The following TSHZ3 variants were observed in gnomAD, a reference collection of about 807,000 sequenced individuals.
TSHZ3 encodes the protein teashirt zinc finger homeobox 3.
TSHZ3 carries 10 observed loss-of-function variants against 64.5 expected under a neutral mutation model. That is an observed-to-expected ratio of 0.16 (90% CI 0.10 to 0.26). The LOEUF (loss-of-function observed/expected upper bound fraction) is 0.26, where lower values mean the gene tolerates loss of function less well. Ranked by LOEUF, TSHZ3 falls within the 10% of genes least tolerant of loss-of-function variation. TSHZ3 has a pLI of 1.00. For synonymous variants in TSHZ3, 608 were observed against 593.1 expected (o/e 1.03, Z -0.36); for missense variants, 1,242 against 1,421.7 (o/e 0.87, Z 2.03).
At chr19:31,155,798 C>A (rs772770175) in intron 6 of TSHZ3, among the ~76,000 whole-genome samples, 2 of 152,194 alleles carry the variant, frequency 1.3e-5, no homozygotes, top group Non-Finnish European at 2.9e-5. Context: ...ATGCTCCCCT[C>A]CATTTCCCTC....
At chr19:31,336,745 C>T (rs1917257015) in intron 1 of TSHZ3, among the ~76,000 whole-genome samples, 1 of 152,126 alleles carries the variant, frequency 6.6e-6, no homozygotes, top group African/African-American at 2.4e-5. Flanking sequence ...CTGAAGACCC[C>T]AGCCTGTGCC....
At chr19:31,231,932 A>AT (rs1975546058) in intron 3 of TSHZ3, among the ~76,000 whole-genome samples, 1 of 152,090 alleles carries the variant, frequency 6.6e-6, no homozygotes, top group Non-Finnish European at 1.5e-5. Context: ...CCAGACCCTG[A>AT]TTTATATGCC....
intron 1 of TSHZ3, among the ~76,000 whole-genome samples, chr19:31,307,182 T>C (rs1423173850): frequency 6.6e-6 from 1 of 152,242 alleles, no homozygotes; most frequent in East Asian, 1.9e-4. Flanking sequence ...AAGCTGCCTC[T>C]ACCCGTTTCT....
intron 1 of TSHZ3, among the ~76,000 whole-genome samples, chr19:31,257,630 C>T (rs1338111104): frequency 6.7e-6 from 1 of 149,676 alleles, no homozygotes; most frequent in Admixed American, 6.6e-5. Context: ...CCTGCTAAGT[C>T]ACTGTGGTTT....
At chr19:31,291,717 T>C (rs554952583) in intron 1 of TSHZ3, among the ~76,000 whole-genome samples, 152 of 152,360 alleles carry the variant, frequency 1.0e-3, no homozygotes, top group African/African-American at 3.4e-3. Flanking sequence ...ACATTTAAAC[T>C]GACTGGGCAT....
chr19:31,152,299 T>C (rs1352459060), intron 6 of TSHZ3, among the ~76,000 whole-genome samples: 1 of 151,872 alleles, frequency 6.6e-6, no homozygotes, highest in Non-Finnish European at 1.5e-5. Context: ...TGTGTGTGTG[T>C]GTGTGTGTGC....
chr19:31,317,357 G>C (rs1235010248), intron 1 of TSHZ3, among the ~76,000 whole-genome samples: 1 of 152,206 alleles, frequency 6.6e-6, no homozygotes, highest in Non-Finnish European at 1.5e-5. Context: ...ACATCGGGAC[G>C]ATGGGGATGC....
intron 1 of TSHZ3, among the ~76,000 whole-genome samples, chr19:31,299,377 AC>A (rs1976717485): frequency 6.6e-6 from 1 of 152,214 alleles, no homozygotes; most frequent in African/African-American, 2.4e-5. Context: ...ACGGGGAGAC[AC>A]AAACTATGCA....
downstream of TSHZ3, among the ~76,000 whole-genome samples, chr19:31,271,066 C>A (rs1047319684): frequency 6.6e-6 from 1 of 152,166 alleles, no homozygotes; most frequent in African/African-American, 2.4e-5. Flanking sequence ...CCCTGGTGTC[C>A]ACAGCAGTAC....
intron 5 of TSHZ3, among the ~76,000 whole-genome samples, chr19:31,162,095 A>C (rs576220295): frequency 1.8e-4 from 27 of 152,162 alleles, no homozygotes; most frequent in Admixed American, 6.5e-4. Context: ...TAGGTGGTGA[A>C]GCCAATGTGG....
At chr19:31,238,553 G>C (rs1975649808) in intron 3 of TSHZ3, among the ~76,000 whole-genome samples, 1 of 152,158 alleles carries the variant, frequency 6.6e-6, no homozygotes, top group Non-Finnish European at 1.5e-5. Flanking sequence ...ATTGTGCCCG[G>C]CTATGAATTT....
At chr19:31,300,478 T>C (rs937337593) in intron 1 of TSHZ3, among the ~76,000 whole-genome samples, 3 of 152,168 alleles carry the variant, frequency 2.0e-5, no homozygotes, top group Non-Finnish European at 4.4e-5. Flanking sequence ...CTCAATTCAA[T>C]GTGGACAAAA....
chr19:31,255,753 G>C (rs1975901647), intron 1 of TSHZ3, among the ~76,000 whole-genome samples: 1 of 152,148 alleles, frequency 6.6e-6, no homozygotes, highest in South Asian at 2.1e-4. Context: ...TTCTCTGCAG[G>C]GAATGGGGAA....
At chr19:31,263,526 G>T (rs1297154974) in intron 1 of TSHZ3, among the ~76,000 whole-genome samples, 2 of 152,208 alleles carry the variant, frequency 1.3e-5, no homozygotes, top group East Asian at 3.9e-4. Context: ...CCGTCCTGCT[G>T]GTCAGGGCAA....
At chr19:31,293,733 C>T (rs1599630872) in intron 1 of TSHZ3, among the ~76,000 whole-genome samples, 1 of 152,252 alleles carries the variant, frequency 6.6e-6, no homozygotes, top group African/African-American at 2.4e-5. Context: ...TTTAGAGTCG[C>T]TGATCCTGTG....
At position 31,277,736 on chromosome 19, in the gene TSHZ3, T is replaced by A; in HGVS notation, c.2057A>T (p.Glu686Val). The A allele has an allele frequency of 3.9e-6, 6 of 1,522,132 alleles. No individual in the cohort carries two copies. The highest frequency in any genetic ancestry group is 5.3e-6 in the Non-Finnish European group (6 of 1,137,290). 94.3% of individuals were successfully genotyped at this position (1,522,132 alleles called of 1,614,324 possible). The part of the protein sequence containing the change: ...DGCKDGSPLA[E>V]PVENGKELVK... ...CAGCTCCTTGCCATTCTCCACCGGC[T>A]CAGCGAGGGGGCTCCCATCCTTGCA... Residue 686 changes from glutamate (E) to valine (V), a missense_variant, in exon 2 of 2, where the codon GAG (glutamate) becomes GTG (valine). By Grantham distance (121) the Glu-to-Val change is moderately radical. This residue lies in a region of TSHZ3 where 550 missense variants were observed against 545.1 expected (regional missense o/e 1.01). Transcript: ENST00000240587. This position sits in a 1 kb window ranked among gnomAD's most constrained non-coding sequence, Gnocchi z 4.5.
intron 4 of TSHZ3, among the ~76,000 whole-genome samples, chr19:31,217,850 C>T (rs1387006071): frequency 1.3e-5 from 2 of 152,172 alleles, no homozygotes; most frequent in Non-Finnish European, 2.9e-5. Flanking sequence ...AACCACTGGT[C>T]TTTTCACTGT....
intron 1 of TSHZ3, among the ~76,000 whole-genome samples, chr19:31,287,500 G>A (rs1456788678): frequency 6.6e-6 from 1 of 152,150 alleles, no homozygotes; most frequent in South Asian, 2.1e-4. Flanking sequence ...GAGAAGAAAG[G>A]ACCGAAGAGG....
At chr19:31,289,428 G>C (rs1976523024) in intron 1 of TSHZ3, among the ~76,000 whole-genome samples, 1 of 152,206 alleles carries the variant, frequency 6.6e-6, no homozygotes, top group African/African-American at 2.4e-5. Flanking sequence ...AGAAGAAAAA[G>C]GGAGGGAAAT....
Sources: allele counts gnomAD v4.1 joint callset (sites outside exome capture counted in the v4.1 genomes callset), GRCh38; gene constraint gnomAD v4.1.1; regional missense constraint gnomAD v4.1.1; non-coding constraint Gnocchi (gnomAD v3.1); transcripts MANE v1.5; gene names NCBI Gene and HGNC (gene_info 2026-07-23, HGNC 2026-07-21).